The following BTD variants were observed in gnomAD, a reference collection of about 807,000 sequenced individuals.
BTD encodes the protein biotinidase, also known as biocytinase.
A neutral mutation model predicts 17.7 loss-of-function variants in BTD; 13 were observed. The observed-to-expected ratio is 0.74, with a 90% CI of 0.48 to 1.17. The LOEUF is 1.17. BTD is among the 50% of genes most tolerant of loss of function. The probability of loss-of-function intolerance (pLI) is 0.00; values close to 1 mark genes in which losing one functional copy is unlikely to be tolerated. For missense variants in BTD, 674 were observed against 650.4 expected, an observed-to-expected ratio of 1.04 and a Z score of -0.39; for synonymous variants, 240 against 245.2, an observed-to-expected ratio of 0.98 and a Z score of 0.20.
At position 15,635,639 on chromosome 3, in the gene BTD, A is replaced by C; in HGVS notation, c.200A>C (p.Asn67Thr). ...ISRQEALELMNQNLDIYEQQV... is the reference protein window; with the variant it reads ...ISRQEALELMTQNLDIYEQQV... ...CGCCAAGAGGCCTTGGAGCTCATGA[A>C]CCAGAACCTTGACATCTATGAACAG... Residue 67 changes from asparagine (N) to threonine (T), a missense_variant, in exon 2 of 4, where the codon AAC becomes ACC. By Grantham distance (65) the Asn-to-Thr change is moderately conservative (BLOSUM62 0). Transcript: ENST00000643237. This position sits in a 1 kb window ranked among gnomAD's most constrained non-coding sequence, Gnocchi z 4.1. 6.2e-7 allele frequency: 1 copy of C among 1,614,222 alleles called. No individual in the cohort carries two copies. The highest frequency in any genetic ancestry group is 8.5e-7 in the Non-Finnish European group (1 of 1,180,040).
chr3:15,686,527 CCGCCTACCCAGCA>C, intron 3 of BTD: 1 of 559,822 alleles, frequency 1.8e-6, no homozygotes, highest in Non-Finnish European at 3.2e-6. Context: ...GACAGGCAGA[CCGCCTACCCAGCA>C]CCCATGCCCT....
chr3:15,644,045 G>T (rs11916854), intron 3 of BTD, among the ~76,000 whole-genome samples: 6 of 151,250 alleles, frequency 4.0e-5, no homozygotes, highest in African/African-American at 1.5e-4. Context: ...CTGTCGCCCA[G>T]GCTGGAGTGC....
intron 3 of BTD, among the ~76,000 whole-genome samples, chr3:15,682,653 CATTTTA>C (rs961849327): frequency 2.6e-5 from 4 of 152,306 alleles, no homozygotes; most frequent in African/African-American, 7.2e-5. Flanking sequence ...GCCATCATTT[CATTTTA>C]ATTTTAAGAG....
chr3:15,613,128 A>G (rs2125361726), intron 1 of BTD, among the ~76,000 whole-genome samples: 1 of 152,218 alleles, frequency 6.6e-6, no homozygotes, highest in East Asian at 1.9e-4. Flanking sequence ...AAAGCCCTTC[A>G]CCTTTGTCAT....
At chr3:15,697,612 T>C (rs377699308) in intron 3 of BTD, among the ~76,000 whole-genome samples, 3 of 152,090 alleles carry the variant, frequency 2.0e-5, no homozygotes, top group African/African-American at 7.2e-5. Flanking sequence ...GAGTTGATTG[T>C]GGTGGGTAAG....
Position 15,608,658 on chromosome 3 carries a change from G to T in BTD, c.-17+6764G>T, listed in dbSNP as rs535312616. Among the ~76,000 whole-genome samples, 5 of 152,044 alleles carry T rather than the reference G, an allele frequency of 3.3e-5. No homozygotes were observed. In the East Asian group the frequency reaches 9.7e-4, roughly 29 times the overall value. On this transcript the variant is annotated intron_variant, in intron 1 of 3. Transcript: ENST00000643237. Reference sequence around the variant, plus strand: ...ATGTGCGCCTGTAATCCCAGCTACCGGGGAGGCTGAGGCAGGAGAACCACT... The same window carrying T: ...ATGTGCGCCTGTAATCCCAGCTACCTGGGAGGCTGAGGCAGGAGAACCACT...
intron 3 of BTD, chr3:15,696,380 T>A: frequency 1.8e-6 from 1 of 544,950 alleles, no homozygotes; most frequent in Non-Finnish European, 3.2e-6. Flanking sequence ...TATTACACTA[T>A]AAAAATGTCA....
chr3:15,721,149 C>T (rs773799475), intron 4 of BTD: 90 of 1,586,522 alleles, frequency 5.7e-5, no homozygotes, highest in Non-Finnish European at 6.5e-5. Context: ...GAAAAAAATG[C>T]GAATGTTAAA....
chr3:15,698,504 T>C (rs571749449), intron 3 of BTD, among the ~76,000 whole-genome samples: 30 of 152,176 alleles, frequency 2.0e-4, no homozygotes, highest in African/African-American at 6.5e-4. Context: ...TCGTCTCAGC[T>C]CAAAATCTCC....
Position 15,661,616 on chromosome 3 carries a change from C to T in BTD, c.399+19559C>T, listed in dbSNP as rs1057037783. ...TATGGCTTGCCTTTTCATTCTGTGA[C>T]AGTGTCTCACAGAGCAGAAATTTAA... On this transcript the variant is annotated intron_variant, in intron 3 of 3. Coordinates refer to the BTD transcript ENST00000672141. 5.3e-5 allele frequency among the ~76,000 whole-genome samples: 8 copies of T among 152,260 alleles called. No individual in the cohort carries two copies. In the East Asian group the frequency reaches 1.5e-3, roughly 29 times the overall value.
intron 2 of BTD, among the ~76,000 whole-genome samples, chr3:15,641,101 T>A (rs1173371841): frequency 6.6e-6 from 1 of 152,156 alleles, no homozygotes; most frequent in Non-Finnish European, 1.5e-5. Flanking sequence ...AGGGCGGCCC[T>A]GTTTGTATTT....
chr3:15,682,563 T>C lies in BTD; in HGVS notation c.400-27497T>C, dbSNP rs528458417. Among the ~76,000 whole-genome samples, 11 of 152,364 alleles carry C rather than the reference T, an allele frequency of 7.2e-5. No individual in the cohort carries two copies. In the South Asian group the frequency reaches 2.3e-3, roughly 32 times the overall value. ...TTTTTTAAAGGAATAATAAGTATTC[T>C]TAAGTTCTGTGATTGAATGACTATA... On this transcript the variant is annotated intron_variant, in intron 3 of 3. Coordinates refer to the BTD transcript ENST00000672141.
chr3:15,632,329 C>T (rs1307861610), intron 1 of BTD, among the ~76,000 whole-genome samples: 1 of 152,218 alleles, frequency 6.6e-6, no homozygotes, highest in Non-Finnish European at 1.5e-5. Flanking sequence ...GACACCTAAC[C>T]CCTGGGGCTG....
chr3:15,674,387 G>C (rs947199181), intron 3 of BTD, among the ~76,000 whole-genome samples: 2 of 53,188 alleles, frequency 3.8e-5, no homozygotes, highest in Non-Finnish European at 7.4e-5. Context: ...TAGGGGTTTT[G>C]CCCTGAGCCA....
chr3:15,602,110 C>T (rs529045861), intron 1 of BTD: 30 of 1,433,322 alleles, frequency 2.1e-5, no homozygotes, highest in Non-Finnish European at 2.6e-5. Flanking sequence ...TTGTGGTTTA[C>T]GCTCTCATAA....
chr3:15,648,523 C>T lies in BTD; in HGVS notation c.*3035C>T, dbSNP rs1226444683. On this transcript the variant is annotated 3_prime_UTR_variant, in exon 4 of 4. Coordinates refer to ENST00000643237, the MANE Select transcript of BTD (RefSeq NM_001370658.1). ...AACAAGCATGGACATTGTTAGTTCA[C>T]CCAGTTCTGTGGGGCAGGAAAGCGG... Among the ~76,000 whole-genome samples, 1 of 152,206 alleles carries T rather than the reference C, an allele frequency of 6.6e-6. No homozygotes were observed. The highest frequency in any genetic ancestry group is 1.5e-5 in the Non-Finnish European group (1 of 68,042).
rs913052059 is a variant in BTD, at chr3:15,646,409, C to T, written c.*921C>T. The T allele has an allele frequency of 6.6e-6, 1 of 152,236 alleles. No individual in the cohort carries two copies. Among genetic ancestry groups the T allele is most frequent in the Non-Finnish European group, 1.5e-5 (1 of 68,058 alleles). 9.4% of individuals were successfully genotyped at this position (152,236 alleles called of 1,614,324 possible). On this transcript the variant is annotated 3_prime_UTR_variant, in exon 4 of 4. Coordinates refer to ENST00000643237, the MANE Select transcript of BTD (RefSeq NM_001370658.1). ...GGATCTCGTTGCTTTGCAGCGATGC[C>T]TGGCACCCCATAGAGATAAGTTGCA... is the stretch of plus-strand genomic sequence containing the variant.
chr3:15,699,400 A>C (rs2070202220), intron 3 of BTD, among the ~76,000 whole-genome samples: 1 of 152,214 alleles, frequency 6.6e-6, no homozygotes, highest in African/African-American at 2.4e-5. Context: ...ATGGGATCTA[A>C]TTAAACTAAA....
In BTD at chr3:15,635,355, G is replaced by A; in HGVS notation, c.-16-69G>A. The A allele has an allele frequency of 2.5e-6, 4 of 1,608,206 alleles. 1 individual carries two copies. Among genetic ancestry groups the A allele is most frequent in the Admixed American group, 1.7e-5 (1 of 60,016 alleles). On this transcript the variant is annotated intron_variant, in intron 1 of 3. Coordinates refer to ENST00000643237, the MANE Select transcript of BTD (RefSeq NM_001370658.1). This position sits in a 1 kb window ranked among gnomAD's most constrained non-coding sequence, Gnocchi z 4.1. ...TAATTGCTGGGATTAATAAATCACA[G>A]CTGCAAACGTTAAATTCTTGGCAGG... is the stretch of plus-strand genomic sequence containing the variant.
Sources: allele counts gnomAD v4.1 joint callset (sites outside exome capture counted in the v4.1 genomes callset), GRCh38; gene constraint gnomAD v4.1.1; non-coding constraint Gnocchi (gnomAD v3.1); transcripts MANE v1.5; gene names NCBI Gene and HGNC (gene_info 2026-07-23, HGNC 2026-07-21).